Variants in GNL3 observed in about 807,000 individuals in gnomAD.
GNL3 encodes the protein guanine nucleotide-binding protein-like 3.
A neutral mutation model predicts 70.6 loss-of-function variants in GNL3; 77 were observed. That is an observed-to-expected ratio of 1.09 (90% CI 0.91 to 1.32). The LOEUF (loss-of-function observed/expected upper bound fraction) is 1.32. Ranked by LOEUF, GNL3 falls within the 40% of genes most tolerant of loss-of-function variation. GNL3 has a pLI of 0.00. For synonymous variants in GNL3, 252 were observed against 216.1 expected, an observed-to-expected ratio of 1.17 and a Z score of -1.46; for missense variants, 634 against 644.0, an observed-to-expected ratio of 0.98 and a Z score of 0.17.
In GNL3 at chr3:52,693,748, CAGG is replaced by C. The variant is rs111396798; in HGVS notation, c.1447_1449del (p.Glu483del). The C allele has an allele frequency of 5.2e-3, 8,437 of 1,613,828 alleles. 376 individuals are homozygous for C. The African/African-American group carries it at 0.099, about 19-fold the overall frequency. On this transcript the variant is annotated inframe_deletion, in exon 13 of 15. Coordinates refer to ENST00000418458, the MANE Select transcript of GNL3 (RefSeq NM_014366.5). Reference sequence around the variant, plus strand: ...ATTGCCAAAACGGAAAGAAAGGAAGCAGGAGGAGAGGGAGGATGACAAAGACAG... The same window carrying C: ...ATTGCCAAAACGGAAAGAAAGGAAGCAGGAGAGGGAGGATGACAAAGACAG...
At chr3:52,686,976 G>A (rs2097316191) in intron 2 of GNL3, 149 bp downstream of exon 2, 3 of 649,286 alleles carry the variant, frequency 4.6e-6, no homozygotes, top group Non-Finnish European at 8.2e-6. Context: ...TTAGGCATCA[G>A]GAGTGCAGCT....
chr3:52,686,567 G>A (rs549355675), intron 1 of GNL3: 2 of 600,114 alleles, frequency 3.3e-6, no homozygotes, highest in East Asian at 2.8e-5. Flanking sequence ...GGTAAGTGCA[G>A]GGAATTTTGA....
At chr3:52,687,682 G>A (rs906855288) in intron 4 of GNL3, 67 bp downstream of exon 4, 1 of 894,140 alleles carries the variant, frequency 1.1e-6, no homozygotes, top group Non-Finnish European at 1.8e-6. Flanking sequence ...GCTTGGGCCT[G>A]AGTGCAGTGG....
intron 1 of GNL3, chr3:52,686,450 G>T: frequency 1.8e-6 from 1 of 570,532 alleles, no homozygotes; most frequent in Non-Finnish European, 3.1e-6. Context: ...TCGCCTCCCA[G>T]ACTCAGTGTT....
chr3:52,686,432 G>C (rs2097312047), intron 1 of GNL3: 1 of 571,348 alleles, frequency 1.8e-6, no homozygotes, highest in Non-Finnish European at 3.1e-6. Context: ...CCAGGTGAGA[G>C]CTGAGAATCG....
In GNL3 at chr3:52,687,300, A is replaced by C; in HGVS notation, c.127A>C (p.Lys43Gln). ...RKEAKKRGHKKPRKDPGVPNS... is the reference protein window; with the variant it reads ...RKEAKKRGHKQPRKDPGVPNS... ...GGAGGCTAAAAAGCGGGGTCACAAG[A>C]AGCCTAGGAAAGACCCAGGAGTTCC... Residue 43 changes from lysine (K) to glutamine (Q), a missense_variant, in exon 3 of 15, where the codon AAG becomes CAG. Lys to Gln is a moderately conservative substitution (Grantham distance 53). Transcript: ENST00000418458. 6.2e-7 allele frequency: 1 copy of C among 1,612,902 alleles called. No individual in the cohort carries two copies. Among genetic ancestry groups the C allele is most frequent in the African/African-American group, 1.3e-5 (1 of 75,062 alleles).
intron 5 of GNL3, 129 bp downstream of exon 5, chr3:52,688,321 G>T (rs528032602): frequency 9.7e-6 from 6 of 617,832 alleles, no homozygotes; most frequent in African/African-American, 7.3e-5. Context: ...TGCGTCATAG[G>T]GGTTTGCTGT....
intron 11 of GNL3, 29 bp from the exon 12 acceptor site, chr3:52,693,379 C>A: frequency 6.2e-7 from 1 of 1,614,014 alleles, no homozygotes; most frequent in Non-Finnish European, 8.5e-7. Flanking sequence ...AATAAACCTT[C>A]TTTTGACACA....
rs372601017 is a variant in GNL3, at chr3:52,690,713, T to A, written c.654+9T>A. ...AAGGGAAGATAACCAAGGTATCCTT[T>A]ATTAGTGGTAAGAAATGTGATTCTT... On this transcript the variant is annotated intron_variant, in intron 7 of 14. Coordinates refer to ENST00000418458, the MANE Select transcript of GNL3 (RefSeq NM_014366.5). 17 of 1,429,278 alleles carry A rather than the reference T, an allele frequency of 1.2e-5. No individual in the cohort carries two copies. Among genetic ancestry groups the A allele is most frequent in the Non-Finnish European group, 1.7e-5 (17 of 1,013,380 alleles). 88.5% of individuals were successfully genotyped at this position (1,429,278 alleles called of 1,614,324 possible). A position where few individuals can be genotyped will look rare whatever the true frequency, so the allele number is the denominator to read the frequency against.
rs1209893441 is a variant in GNL3, at chr3:52,690,691, G to A, written c.641G>A (p.Gly214Glu). The change falls in exon 7 of 15, where the codon GGG (glycine) becomes GAG (glutamate). Residue 214 changes from glycine to glutamate, a missense_variant. By Grantham distance (98) the Gly-to-Glu change is moderately conservative. Coordinates refer to ENST00000418458, the MANE Select transcript of GNL3 (RefSeq NM_014366.5). ...GCCTCAACAAAACCAAAGGATAAAGGGAAGATAACCAAGGTATCCTTTATT... is the reference window on the plus strand; with the variant it reads ...GCCTCAACAAAACCAAAGGATAAAGAGAAGATAACCAAGGTATCCTTTATT... The part of the protein sequence containing the change: ...FRASTKPKDK[G>E]KITKRVKAKK... The A allele has an allele frequency of 6.4e-7, 1 of 1,570,890 alleles. No homozygotes were observed. The highest frequency in any genetic ancestry group is 8.8e-7 in the Non-Finnish European group (1 of 1,140,806).
chr3:52,686,696 G>T (rs2097314109), intron 1 of GNL3, 73 bp from the exon 2 acceptor site: 2 of 1,129,982 alleles, frequency 1.8e-6, no homozygotes, highest in Non-Finnish European at 2.7e-6. Context: ...ACAAGAAAAG[G>T]ATATAACTCC....
At chr3:52,692,640 A>G in intron 9 of GNL3, 1 of 654,548 alleles carries the variant, frequency 1.5e-6, no homozygotes, top group South Asian at 1.5e-5. Flanking sequence ...TTTATAGCAA[A>G]GGAAATAGCA....
chr3:52,688,161 C>T lies in GNL3; in HGVS notation c.377C>T (p.Ser126Leu). ...ENKAKSGKQNSKKLYCQELKK... is the reference protein window; with the variant it reads ...ENKAKSGKQNLKKLYCQELKK... ...AAAGCCAAGTCGGGCAAACAGAATT[C>T]AAAGAAGCTGTACTGCCAAGAACTT... The change falls in exon 5 of 15, where the codon TCA becomes TTA. Residue 126 changes from serine to leucine, a missense_variant. Transcript: ENST00000418458. The T allele has an allele frequency of 1.2e-6, 2 of 1,609,778 alleles. No homozygotes were observed. The highest frequency in any genetic ancestry group is 1.7e-6 in the Non-Finnish European group (2 of 1,176,036).
rs1387893345 is a variant in GNL3, at chr3:52,687,816, G to A, written c.324+201G>A. On this transcript the variant is annotated intron_variant, in intron 4 of 14. Coordinates refer to ENST00000418458, the MANE Select transcript of GNL3 (RefSeq NM_014366.5). ...CTGGCTAATTTTTTTTAGCAGACACGGGCTTTCACTATATTGCCAAGGCTG... is the reference window on the plus strand; with the variant it reads ...CTGGCTAATTTTTTTTAGCAGACACAGGCTTTCACTATATTGCCAAGGCTG... 1.5e-5 allele frequency: 9 copies of A among 595,368 alleles called. No individual in the cohort carries two copies. In the East Asian group the frequency reaches 1.7e-4, roughly 11 times the overall value. The allele number at this position is 595,368 out of a possible 1,614,324, so 36.9% of individuals were successfully genotyped here. A position where few individuals can be genotyped will look rare whatever the true frequency, so the allele number is the denominator to read the frequency against.
chr3:52,686,719 C>A, intron 1 of GNL3, 50 bp from the exon 2 acceptor site: 1 of 1,392,088 alleles, frequency 7.2e-7, no homozygotes, highest in Non-Finnish European at 1.0e-6. Flanking sequence ...AGTGCGTTAA[C>A]CCAGAACTAA....
chr3:52,694,055 T>C lies in GNL3; in HGVS notation c.1519T>C (p.Phe507Leu). 6.2e-7 allele frequency: 1 copy of C among 1,613,934 alleles called. No homozygotes were observed. The highest frequency in any genetic ancestry group is 8.5e-7 in the Non-Finnish European group (1 of 1,179,804). The change falls in exon 14 of 15, where the codon TTT becomes CTT. Residue 507 changes from phenylalanine (F) to leucine (L), a missense_variant. Phe to Leu is a conservative substitution (Grantham distance 22). Coordinates refer to ENST00000418458, the MANE Select transcript of GNL3 (RefSeq NM_014366.5). ...CACACAGGAAAACAGCTCAGGCATG[T>C]TTGCTGCAGAAGAGACAGGGGAGGC... Reference protein sequence around the residue: ...EEVDENSSGMFAAEETGEALS... With the variant: ...EEVDENSSGMLAAEETGEALS...
Position 52,687,220 on chromosome 3 carries a change from C to T in GNL3, c.73-26C>T, listed in dbSNP as rs367602939. ...TTAAGTATAAAGATATTTTTGTAAGCAGACAAAATCTCTTTATTTTAATAG... is the reference window on the plus strand; with the variant it reads ...TTAAGTATAAAGATATTTTTGTAAGTAGACAAAATCTCTTTATTTTAATAG... On this transcript the variant is annotated intron_variant, in intron 2 of 14. Transcript: ENST00000418458. 2.2e-5 allele frequency: 34 copies of T among 1,578,426 alleles called. No individual in the cohort carries two copies. The African/African-American group carries it at 4.2e-4, about 20-fold the overall frequency.
chr3:52,690,045 A>G (rs755836464), intron 6 of GNL3, among the ~76,000 whole-genome samples: 8 of 152,204 alleles, frequency 5.3e-5, no homozygotes, highest in Non-Finnish European at 1.2e-4. Flanking sequence ...TCTGTCCTGA[A>G]GTTTTCAAGT....
chr3:52,693,943 C>A, intron 13 of GNL3, 94 bp from the exon 14 acceptor site: 1 of 1,303,802 alleles, frequency 7.7e-7, no homozygotes, highest in Non-Finnish European at 1.1e-6. Flanking sequence ...GTTATATGTA[C>A]CTCCAAAGAG....
Sources: allele counts gnomAD v4.1 joint callset (sites outside exome capture counted in the v4.1 genomes callset), GRCh38; gene constraint gnomAD v4.1.1; transcripts MANE v1.5; gene names NCBI Gene and HGNC (gene_info 2026-07-23, HGNC 2026-07-21).